The following PTPRN2 variants were observed in gnomAD, a reference collection of about 807,000 sequenced individuals.
PTPRN2 encodes the protein receptor-type tyrosine-protein phosphatase N2.
Under a neutral mutation model 118.8 loss-of-function variants are expected in PTPRN2, and 74 were observed. The ratio of observed to expected loss-of-function variants is 0.62; its 90% CI spans 0.52 to 0.76. PTPRN2 has a LOEUF of 0.76. PTPRN2 is among the 30% of genes least tolerant of loss of function. PTPRN2 has a pLI of 0.00. For missense variants in PTPRN2, 1,481 were observed against 1,394.4 expected, an observed-to-expected ratio of 1.06 and a Z score of -0.99; for synonymous variants, 641 against 608.0, an observed-to-expected ratio of 1.05 and a Z score of -0.80.
chr7:157,878,196 C>T (rs772393470), intron 12 of PTPRN2, among the ~76,000 whole-genome samples: 3 of 152,260 alleles, frequency 2.0e-5, no homozygotes, highest in Non-Finnish European at 4.4e-5. Flanking sequence ...CGGGAGACCT[C>T]ATGCACCAGG....
intron 11 of PTPRN2, among the ~76,000 whole-genome samples, chr7:158,070,918 TG>T (rs1811324580): frequency 1.6e-5 from 2 of 123,144 alleles, no homozygotes; most frequent in Non-Finnish European, 3.3e-5. Flanking sequence ...GTGCCCATGG[TG>T]CTGGAGGTGC....
intron 1 of PTPRN2, among the ~76,000 whole-genome samples, chr7:158,540,809 A>G (rs1285377288): frequency 6.6e-6 from 1 of 152,224 alleles, no homozygotes; most frequent in African/African-American, 2.4e-5. Context: ...CGGGGCCTCC[A>G]TCGACCTGTG....
At chr7:158,471,702 A>C (rs1315509927) in intron 2 of PTPRN2, among the ~76,000 whole-genome samples, 1 of 144,930 alleles carries the variant, frequency 6.9e-6, no homozygotes, top group African/African-American at 2.6e-5. Context: ...AAACAAAAAC[A>C]AACAAACAAA....
At chr7:158,293,770 C>A (rs1340399781) in intron 3 of PTPRN2, among the ~76,000 whole-genome samples, 2 of 126,446 alleles carry the variant, frequency 1.6e-5, no homozygotes, top group African/African-American at 3.0e-5. Flanking sequence ...AAAAAAAAAA[C>A]TAAGACACAA....
At chr7:158,443,571 G>T (rs967399378) in intron 2 of PTPRN2, among the ~76,000 whole-genome samples, 2 of 151,992 alleles carry the variant, frequency 1.3e-5, no homozygotes, top group Non-Finnish European at 2.9e-5. Flanking sequence ...AGCGGCGTGG[G>T]GCGACTCCTC....
intron 3 of PTPRN2, among the ~76,000 whole-genome samples, chr7:158,302,063 G>C (rs1800933820): frequency 6.6e-6 from 1 of 152,204 alleles, no homozygotes; most frequent in African/African-American, 2.4e-5. Flanking sequence ...AAACCCGCTG[G>C]CAGTTAAACT....
chr7:158,143,495 G>A (rs10253547), intron 6 of PTPRN2, among the ~76,000 whole-genome samples: 39,252 of 152,068 alleles, frequency 0.26, 5,341 homozygotes, highest in East Asian at 0.38. Context: ...AGTCGGCCCG[G>A]CCATAGCTCA....
At chr7:158,275,998 G>A (rs758315161) in intron 3 of PTPRN2, among the ~76,000 whole-genome samples, 3 of 152,156 alleles carry the variant, frequency 2.0e-5, no homozygotes, top group East Asian at 1.9e-4. Flanking sequence ...CGCCTTACAC[G>A]TGCTATGGCT....
At chr7:157,650,719 G>A (rs1805595692) in intron 14 of PTPRN2, among the ~76,000 whole-genome samples, 1 of 152,262 alleles carries the variant, frequency 6.6e-6, no homozygotes, top group South Asian at 2.1e-4. Context: ...CTGGGGCCAG[G>A]GGAGCGCCTG....
At chr7:157,980,638 C>G (rs1386289971) in intron 11 of PTPRN2, among the ~76,000 whole-genome samples, 1 of 152,176 alleles carries the variant, frequency 6.6e-6, no homozygotes, top group African/African-American at 2.4e-5. Context: ...GTAGTCCCAG[C>G]TACTTGGGAG....
intron 12 of PTPRN2, among the ~76,000 whole-genome samples, chr7:157,879,007 GGGC>G: frequency 7.0e-6 from 1 of 142,330 alleles, no homozygotes; most frequent in African/African-American, 2.7e-5. Flanking sequence ...AGATTCCATG[GGGC>G]TGGAAGGGTC....
At chr7:157,577,696 C>T (rs1323365457) in intron 18 of PTPRN2, among the ~76,000 whole-genome samples, 1 of 152,182 alleles carries the variant, frequency 6.6e-6, no homozygotes, top group African/African-American at 2.4e-5. Flanking sequence ...ACTCTGTTAT[C>T]ATTTGGATTT....
intron 12 of PTPRN2, among the ~76,000 whole-genome samples, chr7:157,825,960 T>C (rs958225905): frequency 2.0e-5 from 3 of 152,212 alleles, no homozygotes; most frequent in African/African-American, 4.8e-5. Flanking sequence ...AGTCAAGGCT[T>C]TGGAGAAGCG....
At chr7:158,464,468 A>C (rs1459018063) in intron 2 of PTPRN2, among the ~76,000 whole-genome samples, 2 of 132,646 alleles carry the variant, frequency 1.5e-5, no homozygotes, top group Non-Finnish European at 3.2e-5. Context: ...CATCATCCTT[A>C]CCATCGCCAT....
At chr7:158,521,847 T>TGCTGGCTCGGG in intron 1 of PTPRN2, among the ~76,000 whole-genome samples, 1 of 82,312 alleles carries the variant, frequency 1.2e-5, no homozygotes, top group Non-Finnish European at 2.5e-5. Flanking sequence ...ACTGTCCGGG[T>TGCTGGCTCGGG]AGTGGCTCGG....
chr7:157,685,212 GGCCCCCGCGCGCCTCC>G (rs1797121554), intron 12 of PTPRN2, among the ~76,000 whole-genome samples: 1 of 151,832 alleles, frequency 6.6e-6, no homozygotes, highest in Non-Finnish European at 1.5e-5. Context: ...CCGGGCCGAT[GGCCCCCGCGCGCCTCC>G]ATCCGCCCCA....
intron 19 of PTPRN2, chr7:157,574,419 C>T (rs1447134244): frequency 1.7e-5 from 9 of 532,440 alleles, no homozygotes; most frequent in South Asian, 4.2e-5. Context: ...CACTGGCCAC[C>T]GCTAATTAGC....
intron 9 of PTPRN2, among the ~76,000 whole-genome samples, chr7:158,130,415 T>G (rs1818079885): frequency 7.0e-6 from 1 of 143,014 alleles, no homozygotes; most frequent in African/African-American, 2.7e-5. Context: ...CACACACTCA[T>G]ACACACTCAC....
At chr7:157,637,899 C>T (rs1025621778) in intron 14 of PTPRN2, among the ~76,000 whole-genome samples, 2 of 152,194 alleles carry the variant, frequency 1.3e-5, no homozygotes, top group African/African-American at 4.8e-5. Context: ...ATAAAGAGTT[C>T]CAGCAAGTGC....
Sources: gnomAD v4.1 joint callset for allele counts (sites outside exome capture counted in the v4.1 genomes callset) on GRCh38, gnomAD v4.1.1 for gene constraint, MANE v1.5 for transcripts, NCBI Gene and HGNC (gene_info 2026-07-23, HGNC 2026-07-21) for gene names.